The following ATP6V0D2 variants were observed in gnomAD, a reference collection of about 807,000 sequenced individuals.
ATP6V0D2 encodes the protein V-type proton ATPase subunit d 2.
Under a neutral mutation model 40.0 loss-of-function variants are expected in ATP6V0D2, and 40 were observed. The observed-to-expected ratio is 1.00, with a 90% CI of 0.78 to 1.30. The LOEUF is 1.30. ATP6V0D2 is among the 50% of genes most tolerant of loss of function. ATP6V0D2 has a pLI of 0.00. For synonymous variants in ATP6V0D2, 179 were observed against 156.3 expected (o/e 1.15, Z -1.08); for missense variants, 470 against 423.1 (o/e 1.11, Z -0.97).
intron 2 of ATP6V0D2, among the ~76,000 whole-genome samples, chr8:86,126,236 C>CAATATATATATATATATA: frequency 1.3e-5 from 1 of 77,150 alleles, no homozygotes; most frequent in African/African-American, 3.7e-5. Flanking sequence ...CGTGCTCAGC[C>CAATATATATATATATATA]TATATATATA....
chr8:86,110,955 A>G (rs1355909576), intron 1 of ATP6V0D2, among the ~76,000 whole-genome samples: 4 of 152,128 alleles, frequency 2.6e-5, no homozygotes, highest in African/African-American at 9.7e-5. Flanking sequence ...ATTAACAAGT[A>G]TGTGAATTCA....
intron 5 of ATP6V0D2, among the ~76,000 whole-genome samples, chr8:86,145,366 GAAGGAAGGAAAGAAAAGA>G (rs1322957128): frequency 5.3e-4 from 38 of 71,880 alleles, no homozygotes; most frequent in African/African-American, 1.3e-3. Context: ...AGGAAGGAAG[GAAGGAAGGAAAGAAAAGA>G]AAAGAAAAGA....
chr8:86,137,835 A>G (rs1295800135), intron 2 of ATP6V0D2, among the ~76,000 whole-genome samples: 1 of 152,048 alleles, frequency 6.6e-6, no homozygotes, highest in African/African-American at 2.4e-5. Flanking sequence ...CATGGGTTGT[A>G]TTTTCACCTC....
Position 86,141,441 on chromosome 8 carries a change from T to C in ATP6V0D2, c.482-9T>C, listed in dbSNP as rs1818970810. 1 of 1,605,832 alleles carries C rather than the reference T, an allele frequency of 6.2e-7. No individual in the cohort carries two copies. Among genetic ancestry groups the C allele is most frequent in the African/African-American group, 1.3e-5 (1 of 74,618 alleles). ...ATTCATTTTTTGGTATGGCAATTTC[T>C]GCTTTCAGCTCCATTCTTCCAAGAC... On this transcript the variant is annotated splice_polypyrimidine_tract_variant and intron_variant, in intron 3 of 7. Coordinates refer to ENST00000285393, the MANE Select transcript of ATP6V0D2 (RefSeq NM_152565.1).
At chr8:86,146,064 T>C (rs995829863) in intron 5 of ATP6V0D2, among the ~76,000 whole-genome samples, 15 of 152,352 alleles carry the variant, frequency 9.8e-5, no homozygotes, top group Middle Eastern at 3.4e-3. Context: ...CACGTACTTA[T>C]GTGCTTATCC....
intron 5 of ATP6V0D2, among the ~76,000 whole-genome samples, chr8:86,147,459 C>T (rs2129641926): frequency 6.6e-6 from 1 of 152,300 alleles, no homozygotes; most frequent in Admixed American, 6.5e-5. Flanking sequence ...ACACAGCGTG[C>T]CAACTCTCTG....
At chr8:86,140,611 T>C (rs1818958511) in intron 3 of ATP6V0D2, among the ~76,000 whole-genome samples, 1 of 152,022 alleles carries the variant, frequency 6.6e-6, no homozygotes, top group African/African-American at 2.4e-5. Flanking sequence ...TATTAGATAG[T>C]GAAGGAGGAG....
intron 5 of ATP6V0D2, among the ~76,000 whole-genome samples, chr8:86,146,449 AC>A (rs1819069822): frequency 1.3e-5 from 2 of 152,146 alleles, no homozygotes; most frequent in South Asian, 4.1e-4. Context: ...TAATCCCAGC[AC>A]TTTGGGAGAC....
At chr8:86,138,529 C>T (rs750629836) in intron 2 of ATP6V0D2, among the ~76,000 whole-genome samples, 18 of 151,974 alleles carry the variant, frequency 1.2e-4, no homozygotes, top group Non-Finnish European at 2.1e-4. Context: ...CAGGGTATCC[C>T]GAGCAGAGCT....
chr8:86,147,400 T>C (rs940195141), intron 5 of ATP6V0D2, among the ~76,000 whole-genome samples: 6 of 152,192 alleles, frequency 3.9e-5, no homozygotes, highest in Admixed American at 2.6e-4. Context: ...TAAGTTTTTA[T>C]AGGGAAAAGT....
At chr8:86,136,365 T>C (rs1818896920) in intron 2 of ATP6V0D2, among the ~76,000 whole-genome samples, 1 of 152,196 alleles carries the variant, frequency 6.6e-6, no homozygotes, top group East Asian at 1.9e-4. Context: ...AATAGTCCTC[T>C]GCTAATTAGG....
At position 86,154,127 on chromosome 8, in the gene ATP6V0D2, C is replaced by T. The variant is rs1819196726; in HGVS notation, c.*1150C>T. 1 of 152,110 alleles carries T rather than the reference C, an allele frequency of 6.6e-6. No homozygotes were observed. Among genetic ancestry groups the T allele is most frequent in the Admixed American group, 6.6e-5 (1 of 15,256 alleles). The allele number at this position is 152,110 out of a possible 1,614,324, so 9.4% of individuals were successfully genotyped here. ...CTTTGATGTAATCAGCTTGAGAAAGCAACACAATTTCAAATCCTATCTTCT... is the reference window on the plus strand; with the variant it reads ...CTTTGATGTAATCAGCTTGAGAAAGTAACACAATTTCAAATCCTATCTTCT... On this transcript the variant is annotated 3_prime_UTR_variant, in exon 8 of 8. Coordinates refer to ENST00000285393, the MANE Select transcript of ATP6V0D2 (RefSeq NM_152565.1).
At chr8:86,136,279 G>T (rs1231028773) in intron 2 of ATP6V0D2, among the ~76,000 whole-genome samples, 1 of 152,190 alleles carries the variant, frequency 6.6e-6, no homozygotes, top group Non-Finnish European at 1.5e-5. Context: ...ACACACTGTA[G>T]AGGCAGGTCT....
At position 86,119,466 on chromosome 8, in the gene ATP6V0D2, T is replaced by A. The variant is rs185986076; in HGVS notation, c.302+5586T>A. ...CTGGTCTCAAACTCCTGACCTCAAG[T>A]GATCTACCCACCTCGGTCTCCCAAA... On this transcript the variant is annotated intron_variant, in intron 2 of 7. Coordinates refer to ENST00000285393, the MANE Select transcript of ATP6V0D2 (RefSeq NM_152565.1). Among the ~76,000 whole-genome samples the A allele has an allele frequency of 2.4e-3, 372 of 152,124 alleles. 2 individuals are homozygous for A. The highest frequency in any genetic ancestry group is 7.6e-3 in the African/African-American group (315 of 41,498).
At chr8:86,147,781 G>T (rs892975067) in intron 5 of ATP6V0D2, among the ~76,000 whole-genome samples, 1 of 152,154 alleles carries the variant, frequency 6.6e-6, no homozygotes, top group Non-Finnish European at 1.5e-5. Context: ...GGACAGGAGC[G>T]CAGGGAGGAT....
chr8:86,140,023 G>C (rs1818953186), intron 3 of ATP6V0D2, among the ~76,000 whole-genome samples: 1 of 152,134 alleles, frequency 6.6e-6, no homozygotes, highest in African/African-American at 2.4e-5. Flanking sequence ...TACAGAATTA[G>C]TTTCTTGTCC....
Position 86,141,479 on chromosome 8 carries a change from A to G in ATP6V0D2, c.511A>G (p.Asn171Asp), listed in dbSNP as rs751835728. The change falls in exon 4 of 8, where the codon AAT becomes GAT. Residue 171 changes from asparagine to aspartate, a missense_variant. Physicochemically the swap from Asn to Asp is conservative, Grantham distance 23. Coordinates refer to ENST00000285393, the MANE Select transcript of ATP6V0D2 (RefSeq NM_152565.1). ...ATTCTTCCAAGACTGCATGTCTGAA[A>G]ATGCTCTAGATGAACTGAATATTGA... ...APFFQDCMSENALDELNIELL... is the reference protein window; with the variant it reads ...APFFQDCMSEDALDELNIELL... The G allele has an allele frequency of 6.8e-6, 11 of 1,610,954 alleles. No individual in the cohort carries two copies. Among genetic ancestry groups the G allele is most frequent in the South Asian group, 6.6e-5 (6 of 90,930 alleles).
At chr8:86,152,699 A>G in intron 7 of ATP6V0D2, 117 bp from the exon 8 acceptor site, 1 of 976,334 alleles carries the variant, frequency 1.0e-6, no homozygotes, top group Non-Finnish European at 1.4e-6. Flanking sequence ...CAATTTAGAG[A>G]TTGCCTGTTT....
rs1818576544 is a variant in ATP6V0D2 at position 86,115,172 on chromosome 8, A to G, written c.302+1292A>G. Among the ~76,000 whole-genome samples, 4 of 152,018 alleles carry G rather than the reference A, an allele frequency of 2.6e-5. No individual in the cohort carries two copies. In the South Asian group the frequency reaches 8.3e-4, roughly 31 times the overall value. On this transcript the variant is annotated intron_variant, in intron 2 of 7. Transcript: ENST00000285393. ...ATTCCAAGAAAATATAATAAGAGAAAGCCTGGAAAAATAGAGGGCAGAGAC... is the reference window on the plus strand; with the variant it reads ...ATTCCAAGAAAATATAATAAGAGAAGGCCTGGAAAAATAGAGGGCAGAGAC...
Sources: allele counts gnomAD v4.1 joint callset (sites outside exome capture counted in the v4.1 genomes callset), GRCh38; gene constraint gnomAD v4.1.1; transcripts MANE v1.5; gene names NCBI Gene and HGNC (gene_info 2026-07-23, HGNC 2026-07-21).